The following MOCOS variants were observed in gnomAD, a reference collection of about 807,000 sequenced individuals.
MOCOS encodes human molybdenum cofactor sulfurase.
In MOCOS, 86 loss-of-function variants were observed where a neutral mutation model predicts 83.6. The ratio of observed to expected loss-of-function variants is 1.03; its 90% CI spans 0.86 to 1.23. MOCOS has a LOEUF of 1.23. MOCOS is among the 50% of genes most tolerant of loss of function. MOCOS has a pLI of 0.00. For synonymous variants in MOCOS, 445 were observed against 434.7 expected (o/e 1.02, Z -0.29); for missense variants, 1,120 against 1,126.9 (o/e 0.99, Z 0.09).
chr18:36,234,870 G>A (rs923770400), intron 9 of MOCOS, among the ~76,000 whole-genome samples: 4 of 152,132 alleles, frequency 2.6e-5, no homozygotes, highest in Non-Finnish European at 5.9e-5. Context: ...AAGGGCAAAG[G>A]AGGAACTTCC....
intron 11 of MOCOS, among the ~76,000 whole-genome samples, chr18:36,251,766 C>A (rs2091623292): frequency 6.6e-6 from 1 of 152,104 alleles, no homozygotes; most frequent in Non-Finnish European, 1.5e-5. Context: ...CACCTTAAGC[C>A]ATTGTTAGGA....
At chr18:36,267,699 G>A (rs891368864) in intron 14 of MOCOS, among the ~76,000 whole-genome samples, 1 of 152,174 alleles carries the variant, frequency 6.6e-6, no homozygotes, top group South Asian at 2.1e-4. Flanking sequence ...TGGGGACCTT[G>A]AGCCTGCACC....
At chr18:36,197,267 G>A (rs8086119) in intron 2 of MOCOS, among the ~76,000 whole-genome samples, 1 of 152,102 alleles carries the variant, frequency 6.6e-6, no homozygotes, top group Non-Finnish European at 1.5e-5. Flanking sequence ...TCATGGCTCT[G>A]CTTCATGCTT....
chr18:36,209,663 A>AC (rs1389889533), intron 6 of MOCOS, among the ~76,000 whole-genome samples: 2 of 152,118 alleles, frequency 1.3e-5, no homozygotes, highest in African/African-American at 2.4e-5. Flanking sequence ...TGCAAAGGCC[A>AC]TTGTTTTGTT....
chr18:36,210,005 G>C (rs902704440), intron 6 of MOCOS, among the ~76,000 whole-genome samples: 2 of 152,082 alleles, frequency 1.3e-5, no homozygotes, highest in Admixed American at 1.3e-4. Flanking sequence ...TACCCGGCTG[G>C]ATTAGCTCTT....
At chr18:36,241,459 A>G (rs993790660) in intron 9 of MOCOS, among the ~76,000 whole-genome samples, 11 of 152,224 alleles carry the variant, frequency 7.2e-5, no homozygotes, top group Non-Finnish European at 1.6e-4. Flanking sequence ...CATCCAGATC[A>G]CACTGATGCA....
At chr18:36,254,127 ACTTAGAGGACACCC>A (rs1401931524) in intron 11 of MOCOS, among the ~76,000 whole-genome samples, 1 of 152,114 alleles carries the variant, frequency 6.6e-6, no homozygotes, top group African/African-American at 2.4e-5. Flanking sequence ...GACTGTTTAC[ACTTAGAGGACACCC>A]CTTAGGGTCC....
chr18:36,251,898 C>T (rs1487685258), intron 11 of MOCOS, among the ~76,000 whole-genome samples: 1 of 152,208 alleles, frequency 6.6e-6, no homozygotes, highest in African/African-American at 2.4e-5. Context: ...TGACTACCCT[C>T]TTCAGAACAG....
At chr18:36,252,907 G>T (rs2144142396) in intron 11 of MOCOS, among the ~76,000 whole-genome samples, 1 of 152,266 alleles carries the variant, frequency 6.6e-6, no homozygotes, top group East Asian at 1.9e-4. Context: ...AAGCTGTTAA[G>T]AATTTGAGTT....
chr18:36,254,385 C>G (rs1298618972), intron 11 of MOCOS, among the ~76,000 whole-genome samples: 1 of 151,706 alleles, frequency 6.6e-6, no homozygotes, highest in Non-Finnish European at 1.5e-5. Flanking sequence ...CCAGTAGAAT[C>G]TCAATACTGC....
At chr18:36,263,416 C>T (rs2091670812) in intron 13 of MOCOS, among the ~76,000 whole-genome samples, 1 of 152,222 alleles carries the variant, frequency 6.6e-6, no homozygotes, top group South Asian at 2.1e-4. Flanking sequence ...CATGGAATGC[C>T]AGGCCATCCA....
Position 36,268,583 on chromosome 18 carries a change from A to G in MOCOS, c.2565A>G (p.Pro855=). 6.2e-7 allele frequency: 1 copy of G among 1,614,066 alleles called. No homozygotes were observed. Among genetic ancestry groups the G allele is most frequent in the Non-Finnish European group, 8.5e-7 (1 of 1,180,020 alleles). The change falls in exon 15 of 15, where the codon CCA becomes CCG. Residue 855 remains proline, a synonymous_variant. Transcript: ENST00000261326. ...ATGCATCATTGGATTTATCCTCCCCATGTTTCCTGTCTGTAGGATCTCAGG... is the reference window on the plus strand; with the variant it reads ...ATGCATCATTGGATTTATCCTCCCCGTGTTTCCTGTCTGTAGGATCTCAGG... ...LMHASLDLSS[P]CFLSVGSQVL... is the part of the protein sequence containing the mutation.
intron 9 of MOCOS, among the ~76,000 whole-genome samples, chr18:36,245,382 T>A (rs1457401926): frequency 6.6e-6 from 1 of 152,226 alleles, no homozygotes; most frequent in East Asian, 1.9e-4. Flanking sequence ...CCTTCATTTA[T>A]GAAGCTTTGT....
At chr18:36,266,094 A>T (rs2091680724) in intron 13 of MOCOS, among the ~76,000 whole-genome samples, 1 of 152,068 alleles carries the variant, frequency 6.6e-6, no homozygotes, top group South Asian at 2.1e-4. Context: ...GACACATGAA[A>T]GTTCTCTCTG....
chr18:36,255,061 CATAAGT>C (rs2091636845), intron 11 of MOCOS, among the ~76,000 whole-genome samples: 1 of 151,542 alleles, frequency 6.6e-6, no homozygotes, highest in Non-Finnish European at 1.5e-5. Flanking sequence ...ATCAAAGCAA[CATAAGT>C]ATATTATAAC....
In MOCOS at chr18:36,213,364, A is replaced by G. The variant is rs760886527; in HGVS notation, c.1219-2A>G. Reference sequence around the variant, plus strand: ...TCATTCCATGTTACATTAAATCCGCAGGTGGACAAAATGGCCAGTCTTTAC... The same window carrying G: ...TCATTCCATGTTACATTAAATCCGCGGGTGGACAAAATGGCCAGTCTTTAC... On this transcript the variant is annotated splice_acceptor_variant, in intron 6 of 14. Transcript: ENST00000261326. LOFTEE classifies it high-confidence loss of function. 6.2e-7 allele frequency: 1 copy of G among 1,613,202 alleles called. No homozygotes were observed. The highest frequency in any genetic ancestry group is 1.7e-5 in the Admixed American group (1 of 60,024).
chr18:36,218,191 A>G (rs2091482004), intron 8 of MOCOS, among the ~76,000 whole-genome samples: 1 of 152,170 alleles, frequency 6.6e-6, no homozygotes, highest in African/African-American at 2.4e-5. Context: ...AGAGACCCTG[A>G]TGGAAGGAAA....
chr18:36,243,028 T>G (rs1438800466), intron 9 of MOCOS, among the ~76,000 whole-genome samples: 1 of 152,238 alleles, frequency 6.6e-6, no homozygotes, highest in Non-Finnish European at 1.5e-5. Context: ...AATTTTTTTT[T>G]GCAGCTGTGG....
chr18:36,234,092 A>G (rs75264001), intron 9 of MOCOS, among the ~76,000 whole-genome samples: 2,547 of 152,254 alleles, frequency 0.017, 59 homozygotes, highest in African/African-American at 0.057. Context: ...GTTCTTGGTC[A>G]TGAATTCTTT....
Sources: allele counts gnomAD v4.1 joint callset (sites outside exome capture counted in the v4.1 genomes callset), GRCh38; gene constraint gnomAD v4.1.1; transcripts MANE v1.5; gene names NCBI Gene and HGNC (gene_info 2026-07-23, HGNC 2026-07-21).